Variants in EVC2 observed in about 807,000 individuals in gnomAD.
EVC2 encodes EvC ciliary complex subunit 2, also known as limbin.
EVC2 carries 148 observed loss-of-function variants against 149.3 expected under a neutral mutation model. The observed-to-expected ratio is 0.99, with a 90% CI of 0.87 to 1.14. EVC2 has a LOEUF of 1.14. EVC2 is among the 50% of genes most tolerant of loss of function. EVC2 has a pLI of 0.00. For synonymous variants in EVC2, 776 were observed against 649.9 expected (o/e 1.19, Z -2.95); for missense variants, 1,854 against 1,627.3 (o/e 1.14, Z -2.40).
intron 12 of EVC2, 99 bp from the exon 13 acceptor site, chr4:5,626,007 T>A (rs1443212199): frequency 6.8e-7 from 1 of 1,468,718 alleles, no homozygotes; most frequent in African/African-American, 1.4e-5. Flanking sequence ...TTAGTTTGGT[T>A]TGAATCAGAA....
Position 5,692,664 on chromosome 4 carries a change from G to A in EVC2, c.451-1331C>T, listed in dbSNP as rs996956187. Among the ~76,000 whole-genome samples the A allele has an allele frequency of 4.6e-5, 7 of 150,706 alleles. No homozygotes were observed. In the East Asian group the frequency reaches 7.9e-4, roughly 17 times the overall value. ...GGGTGGATCATGAGGTCAGGAGATCGAGACCATCCTGGCTAACAAGGTGAA... is the reference window on the plus strand; with the variant it reads ...GGGTGGATCATGAGGTCAGGAGATCAAGACCATCCTGGCTAACAAGGTGAA... On this transcript the variant is annotated intron_variant, in intron 3 of 21. Coordinates refer to ENST00000344408, the MANE Select transcript of EVC2 (RefSeq NM_147127.5).
chr4:5,599,288 A>T (rs186227474), intron 16 of EVC2, among the ~76,000 whole-genome samples: 382 of 151,940 alleles, frequency 2.5e-3, no homozygotes, highest in African/African-American at 8.2e-3. Context: ...TGATTGTGGC[A>T]CTATTCACAA....
chr4:5,708,282 T>C lies in EVC2; in HGVS notation c.228+4A>G. ...ACCGGAGCCTGGGGTCGGGCCCTCC[T>C]TACCTGCGTGCTGCTCTCGGGCCCC... On this transcript the variant is annotated splice_donor_region_variant and intron_variant, in intron 1 of 21. Transcript: ENST00000344408. The C allele has an allele frequency of 1.4e-6, 2 of 1,479,938 alleles. No homozygotes were observed. The highest frequency in any genetic ancestry group is 1.3e-5 in the South Asian group (1 of 76,716). 91.7% of individuals were successfully genotyped at this position (1,479,938 alleles called of 1,614,324 possible).
In EVC2 at chr4:5,636,700, G is replaced by C. The variant is rs1488316119; in HGVS notation, c.1470+3814C>G. On this transcript the variant is annotated intron_variant, in intron 10 of 21. Transcript: ENST00000344408. This position sits in a 1 kb window ranked among gnomAD's most constrained non-coding sequence, Gnocchi z 4.6. ...GGAACCAATGCTTCCTGGGTATCAA[G>C]GGAGGGATGACTGTACTGTACTAAA... is the stretch of plus-strand genomic sequence containing the variant. Among the ~76,000 whole-genome samples, 2 of 152,170 alleles carry C rather than the reference G, an allele frequency of 1.3e-5. No individual in the cohort carries two copies. The highest frequency in any genetic ancestry group is 2.9e-5 in the Non-Finnish European group (2 of 68,034).
the EVC2 span, among the ~76,000 whole-genome samples, chr4:5,535,601 A>AGAGAGAG: frequency 8.5e-6 from 1 of 118,210 alleles, no homozygotes; most frequent in Non-Finnish European, 1.7e-5. This position sits in a 1 kb window ranked among gnomAD's most constrained non-coding sequence, Gnocchi z 4.7. Flanking sequence ...CATGCTTAGA[A>AGAGAGAG]AGAGAGAGAG....
At chr4:5,588,393 T>C (rs1315654391) in intron 16 of EVC2, among the ~76,000 whole-genome samples, 1 of 152,220 alleles carries the variant, frequency 6.6e-6, no homozygotes, top group Admixed American at 6.5e-5. Flanking sequence ...TTTCTTATGC[T>C]TGGGATACAC....
downstream of EVC2, among the ~76,000 whole-genome samples, chr4:5,540,836 GT>G (rs1032648318): frequency 4.6e-5 from 7 of 152,130 alleles, no homozygotes; most frequent in Non-Finnish European, 1.5e-5. Flanking sequence ...CCTCAATACA[GT>G]TTTTTTAACT....
At chr4:5,581,017 T>A (rs1488574730) in intron 17 of EVC2, among the ~76,000 whole-genome samples, 1 of 152,226 alleles carries the variant, frequency 6.6e-6, no homozygotes, top group East Asian at 1.9e-4. Flanking sequence ...GATGTGCCTC[T>A]TTTCCCTCTG....
chr4:5,688,092 C>G (rs941435858), intron 5 of EVC2, among the ~76,000 whole-genome samples: 1 of 152,130 alleles, frequency 6.6e-6, no homozygotes, highest in African/African-American at 2.4e-5. Context: ...CAGGAAAGCA[C>G]TGAAGGTCAC....
At chr4:5,684,440 C>G (rs977550836) in intron 6 of EVC2, among the ~76,000 whole-genome samples, 2 of 152,180 alleles carry the variant, frequency 1.3e-5, no homozygotes, top group African/African-American at 4.8e-5. Context: ...CACAGTCATG[C>G]TATGAGCCTC....
rs571933194 is a variant in EVC2, at chr4:5,602,291, TAA to T, written c.2829+13129_2829+13130del. Among the ~76,000 whole-genome samples the T allele has an allele frequency of 3.2e-3, 265 of 81,676 alleles. 1 individual carries two copies. Among genetic ancestry groups the T allele is most frequent in the African/African-American group, 0.012 (239 of 19,906 alleles). 53.6% of individuals were successfully genotyped at this position (81,676 alleles called of 152,430 possible). A position where few individuals can be genotyped will look rare whatever the true frequency, so the allele number is the denominator to read the frequency against. ...AGCTACAGAGCAAGACATTGCCTCTTAAAAAAAAAAAAAAAAAAAAAAAGTAA... is the reference window on the plus strand; with the variant it reads ...AGCTACAGAGCAAGACATTGCCTCTTAAAAAAAAAAAAAAAAAAAAAGTAA... On this transcript the variant is annotated intron_variant, in intron 16 of 21. Transcript: ENST00000344408.
At chr4:5,683,582 A>G (rs1720491168) in intron 6 of EVC2, among the ~76,000 whole-genome samples, 1 of 152,146 alleles carries the variant, frequency 6.6e-6, no homozygotes, top group South Asian at 2.1e-4. Context: ...CGGAGCTGAC[A>G]TTCTAGTGAG....
rs369421555 is a variant in EVC2 at position 5,637,809 on chromosome 4, T to C, written c.1470+2705A>G. 5.2e-4 allele frequency among the ~76,000 whole-genome samples: 76 copies of C among 147,246 alleles called. No individual in the cohort carries two copies. In the East Asian group the frequency reaches 7.5e-3, roughly 15 times the overall value. On this transcript the variant is annotated intron_variant, in intron 10 of 21. Coordinates refer to ENST00000344408, the MANE Select transcript of EVC2 (RefSeq NM_147127.5). This position sits in a 1 kb window ranked among gnomAD's most constrained non-coding sequence, Gnocchi z 4.4. ...TGAGTTGTGGGATGGGCTTCTCTCT[T>C]TTTTTTTTTTTTCAGGGCTTTTTCT...
intron 7 of EVC2, among the ~76,000 whole-genome samples, chr4:5,672,599 G>A (rs550140857): frequency 6.6e-6 from 1 of 152,228 alleles, no homozygotes; most frequent in South Asian, 2.1e-4. Flanking sequence ...GTGGGAGGCT[G>A]GGTCTCCCCA....
intron 9 of EVC2, among the ~76,000 whole-genome samples, chr4:5,659,740 C>G (rs1718760394): frequency 6.6e-6 from 1 of 152,214 alleles, no homozygotes; most frequent in Admixed American, 6.5e-5. Context: ...CTTATAATTT[C>G]ATATAATGTA....
downstream of EVC2, among the ~76,000 whole-genome samples, chr4:5,540,001 G>C (rs1013826822): frequency 1.3e-4 from 20 of 152,226 alleles, no homozygotes; most frequent in African/African-American, 4.1e-4. Context: ...ATTGTATCTA[G>C]AACATACAAT....
At chr4:5,548,289 C>T (rs1316631785) in intron 21 of EVC2, among the ~76,000 whole-genome samples, 1 of 151,512 alleles carries the variant, frequency 6.6e-6, no homozygotes, top group Non-Finnish European at 1.5e-5. Context: ...AAAGTGATAC[C>T]CCAAAGATCC....
At chr4:5,695,294 G>T (rs985035848) in intron 2 of EVC2, among the ~76,000 whole-genome samples, 1 of 150,970 alleles carries the variant, frequency 6.6e-6, no homozygotes, top group African/African-American at 2.4e-5. Context: ...GTTGCAGTGA[G>T]CCGAGATCAT....
chr4:5,592,812 T>C (rs1053689755), intron 16 of EVC2, among the ~76,000 whole-genome samples: 1 of 152,200 alleles, frequency 6.6e-6, no homozygotes, highest in African/African-American at 2.4e-5. Context: ...GGCAGGTCAC[T>C]GTGCATGTGA....
Sources: gnomAD v4.1 joint callset for allele counts (sites outside exome capture counted in the v4.1 genomes callset) on GRCh38, gnomAD v4.1.1 for gene constraint, Gnocchi (gnomAD v3.1) non-coding constraint, MANE v1.5 for transcripts, NCBI Gene and HGNC (gene_info 2026-07-23, HGNC 2026-07-21) for gene names.